LGSN: variants seen among roughly 807,000 people sequenced by gnomAD.
The protein encoded by LGSN is lengsin.
A neutral mutation model predicts 19.5 loss-of-function variants in LGSN; 21 were observed. The observed-to-expected ratio is 1.07, with a 90% CI of 0.76 to 1.55. LGSN has a LOEUF of 1.55. LGSN is among the 40% of genes most tolerant of loss of function. LGSN has a pLI of 0.00. For synonymous variants in LGSN, 257 were observed against 215.6 expected, an observed-to-expected ratio of 1.19 and a Z score of -1.68; for missense variants, 673 against 608.5, an observed-to-expected ratio of 1.11 and a Z score of -1.12.
the LGSN span, among the ~76,000 whole-genome samples, chr6:63,357,030 G>C: frequency 2.3e-5 from 3 of 130,976 alleles, no homozygotes; most frequent in South Asian, 7.0e-4. Context: ...CCCTTCCCGT[G>C]TCCATGTGTT....
chr6:63,505,625 G>GT, the LGSN span, among the ~76,000 whole-genome samples: 2 of 90,120 alleles, frequency 2.2e-5, no homozygotes, highest in Non-Finnish European at 4.5e-5. Flanking sequence ...AAGAAAGAAA[G>GT]AAAGAAAGAA....
At chr6:63,512,637 A>G in the LGSN span, among the ~76,000 whole-genome samples, 1 of 152,232 alleles carries the variant, frequency 6.6e-6, no homozygotes, top group Non-Finnish European at 1.5e-5. Flanking sequence ...AGCTTAGATC[A>G]ATTAAGATAG....
the LGSN span, among the ~76,000 whole-genome samples, chr6:63,364,076 C>T: frequency 6.6e-5 from 10 of 152,058 alleles, no homozygotes; most frequent in Admixed American, 4.6e-4. Context: ...TCACACATAA[C>T]AATATTAACC....
At chr6:63,282,398 C>T (rs1411263923) in intron 3 of LGSN, among the ~76,000 whole-genome samples, 1 of 151,978 alleles carries the variant, frequency 6.6e-6, no homozygotes, top group South Asian at 2.1e-4. Flanking sequence ...AAACTCATTC[C>T]TCTTTAGTTC....
the LGSN span, among the ~76,000 whole-genome samples, chr6:63,432,179 G>GAAAGAAAGAAAAGA: frequency 8.8e-6 from 1 of 113,560 alleles, no homozygotes. Context: ...GAAAAGGAAA[G>GAAAGAAAGAAAAGA]AAAGAAAAGA....
the LGSN span, among the ~76,000 whole-genome samples, chr6:63,427,475 G>GA: frequency 1.3e-5 from 2 of 152,046 alleles, no homozygotes; most frequent in African/African-American, 2.4e-5. Flanking sequence ...GATTATAGGA[G>GA]AAAAAATAGG....
At chr6:63,521,021 G>A in the LGSN span, among the ~76,000 whole-genome samples, 1 of 152,096 alleles carries the variant, frequency 6.6e-6, no homozygotes, top group Non-Finnish European at 1.5e-5. Flanking sequence ...CTCATAAGTG[G>A]GAGTTGAACA....
the LGSN span, among the ~76,000 whole-genome samples, chr6:63,327,821 C>G: frequency 6.6e-6 from 1 of 151,958 alleles, no homozygotes; most frequent in East Asian, 1.9e-4. Context: ...CTCTTTCCTT[C>G]TTGCTGGTCT....
the LGSN span, among the ~76,000 whole-genome samples, chr6:63,561,343 T>C: frequency 2.5e-4 from 38 of 152,166 alleles, no homozygotes; most frequent in African/African-American, 9.2e-4. Flanking sequence ...CAACACATAG[T>C]AAGCACTCAA....
In LGSN at chr6:63,277,121, C is replaced by A. The variant is rs1016086342; in HGVS notation, c.*2900G>T. The A allele has an allele frequency of 2.0e-5, 3 of 152,168 alleles. No homozygotes were observed. Among genetic ancestry groups the A allele is most frequent in the Non-Finnish European group, 2.9e-5 (2 of 68,038 alleles). 9.4% of individuals were successfully genotyped at this position (152,168 alleles called of 1,614,324 possible). A position where few individuals can be genotyped will look rare whatever the true frequency, so the allele number is the denominator to read the frequency against. On this transcript the variant is annotated 3_prime_UTR_variant, in exon 4 of 4. Transcript: ENST00000370657. ...AGATAATATTCCTAGTTATATAATT[C>A]CTTCACATGGCATCCTGAGTACTGT...
chr6:63,295,675 A>G (rs543012902), intron 1 of LGSN, among the ~76,000 whole-genome samples: 2 of 152,356 alleles, frequency 1.3e-5, no homozygotes, highest in East Asian at 3.9e-4. Context: ...TCAAAACAAA[A>G]TAACCTAACT....
At chr6:63,509,482 G>A in the LGSN span, among the ~76,000 whole-genome samples, 3 of 151,930 alleles carry the variant, frequency 2.0e-5, no homozygotes, top group East Asian at 3.9e-4. Context: ...TTAGGTGTGC[G>A]CATGTTGTAT....
At chr6:63,423,881 TA>T in the LGSN span, among the ~76,000 whole-genome samples, 1 of 151,718 alleles carries the variant, frequency 6.6e-6, no homozygotes, top group African/African-American at 2.4e-5. Context: ...CTACTAAAAA[TA>T]CAAAAAAATT....
At chr6:63,503,732 T>G in the LGSN span, among the ~76,000 whole-genome samples, 1 of 152,034 alleles carries the variant, frequency 6.6e-6, no homozygotes, top group Non-Finnish European at 1.5e-5. Flanking sequence ...CTGGGCAACA[T>G]GGTGAAACCC....
chr6:63,431,552 T>C, the LGSN span, among the ~76,000 whole-genome samples: 1 of 152,360 alleles, frequency 6.6e-6, no homozygotes, highest in South Asian at 2.1e-4. Context: ...ACTAGTTGTA[T>C]GACCTTGGCA....
chr6:63,484,815 T>A, the LGSN span, among the ~76,000 whole-genome samples: 3 of 152,194 alleles, frequency 2.0e-5, no homozygotes, highest in Non-Finnish European at 4.4e-5. Flanking sequence ...ACTGTTATTG[T>A]GAGAATCAAA....
chr6:63,323,606 AG>A (rs1160024507), upstream of LGSN, among the ~76,000 whole-genome samples: 2 of 147,022 alleles, frequency 1.4e-5, no homozygotes, highest in Admixed American at 1.4e-4. Flanking sequence ...ACACACACAC[AG>A]GTTATGTTAA....
At chr6:63,397,352 C>G in the LGSN span, among the ~76,000 whole-genome samples, 1 of 151,502 alleles carries the variant, frequency 6.6e-6, no homozygotes, top group African/African-American at 2.4e-5. Context: ...GGCAAAACAA[C>G]GTTGTACAAG....
the LGSN span, among the ~76,000 whole-genome samples, chr6:63,426,605 C>T: frequency 6.6e-6 from 1 of 152,170 alleles, no homozygotes; most frequent in Non-Finnish European, 1.5e-5. Flanking sequence ...ACCTCCACCT[C>T]CCAGGTTCAA....
Sources: gnomAD v4.1 joint callset for allele counts (sites outside exome capture counted in the v4.1 genomes callset) on GRCh38, gnomAD v4.1.1 for gene constraint, MANE v1.5 for transcripts, NCBI Gene and HGNC (gene_info 2026-07-23, HGNC 2026-07-21) for gene names.